The following GLDC variants were observed in gnomAD, a reference collection of about 807,000 sequenced individuals.
GLDC encodes the protein glycine decarboxylase.
Under a neutral mutation model 121.3 loss-of-function variants are expected in GLDC, and 104 were observed. That is an observed-to-expected ratio of 0.86 (90% CI 0.73 to 1.01). GLDC has a LOEUF of 1.01. GLDC is among the 50% of genes least tolerant of loss of function. The pLI, the probability that GLDC is intolerant of heterozygous loss-of-function variation, is 0.00. For missense variants in GLDC, 1,429 were observed against 1,306.6 expected (o/e 1.09, Z -1.44); for synonymous variants, 546 against 480.6 (o/e 1.14, Z -1.78).
intron 15 of GLDC, chr9:6,569,129 T>C (rs931236592): frequency 5.3e-5 from 8 of 151,956 alleles, no homozygotes; most frequent in African/African-American, 1.7e-4. Context: ...AGTATCAGTG[T>C]ATCATCACAG....
chr9:6,565,720 A>C (rs1427730544), intron 15 of GLDC: 1 of 579,652 alleles, frequency 1.7e-6, no homozygotes, highest in Non-Finnish European at 3.1e-6. Flanking sequence ...GCCTTTTGTT[A>C]TTATGAAAAA....
At chr9:6,564,672 G>A (rs916244069) in intron 16 of GLDC, among the ~76,000 whole-genome samples, 1 of 152,184 alleles carries the variant, frequency 6.6e-6, no homozygotes. Context: ...CAGGAACACA[G>A]GCCTCCTCTG....
chr9:6,578,894 GTTAT>G (rs1319036732), intron 15 of GLDC, among the ~76,000 whole-genome samples: 15 of 152,152 alleles, frequency 9.9e-5, no homozygotes, highest in Admixed American at 3.3e-4. Flanking sequence ...TTATAAGGGT[GTTAT>G]TTAATTTCCA....
rs1038476833 is a variant in GLDC, at chr9:6,589,356, G to A, written c.1483-64C>T. ...GCCTGGAGCCACATGTGGACATCCA[G>A]GCTTCTGGGTGGCTGGGCCACAAAG... On this transcript the variant is annotated intron_variant, in intron 11 of 24. Coordinates refer to ENST00000321612, the MANE Select transcript of GLDC (RefSeq NM_000170.3). The A allele has an allele frequency of 1.4e-5, 14 of 965,590 alleles. No individual in the cohort carries two copies. The African/African-American group carries it at 2.2e-4, about 15-fold the overall frequency. 59.8% of individuals were successfully genotyped at this position (965,590 alleles called of 1,614,324 possible). A position where few individuals can be genotyped will look rare whatever the true frequency, so the allele number is the denominator to read the frequency against.
chr9:6,550,909 C>G lies in GLDC; in HGVS notation c.2463G>C (p.Met821Ile). 6.3e-7 allele frequency: 1 copy of G among 1,598,826 alleles called. No homozygotes were observed. Among genetic ancestry groups the G allele is most frequent in the Non-Finnish European group, 8.6e-7 (1 of 1,166,170 alleles). ...TGGCTTGTTTAAGACCCTTGCCTCC[C>G]ATCATCTGCAACAAAGGGAAAAAGA... ...LPISWAYIKM[M>I]GGKGLKQATE... Residue 821 changes from methionine (M) to isoleucine (I), a missense_variant, in exon 21 of 25, where the codon ATG becomes ATC. Met to Ile is a conservative substitution (Grantham distance 10). Transcript: ENST00000321612.
intron 15 of GLDC, among the ~76,000 whole-genome samples, chr9:6,569,935 C>A (rs1203885669): frequency 1.3e-5 from 2 of 152,124 alleles, no homozygotes; most frequent in African/African-American, 4.8e-5. Flanking sequence ...AAGATCGCGC[C>A]ACTGCACTCC....
At chr9:6,553,199 A>G (rs1193960925) in intron 20 of GLDC, among the ~76,000 whole-genome samples, 169 bp downstream of exon 20, 1 of 152,192 alleles carries the variant, frequency 6.6e-6, no homozygotes, top group East Asian at 1.9e-4. Flanking sequence ...TTTTTAGCTC[A>G]TCTCTTCAGG....
At chr9:6,609,512 T>C (rs1457289435) in intron 4 of GLDC, among the ~76,000 whole-genome samples, 1 of 152,106 alleles carries the variant, frequency 6.6e-6, no homozygotes, top group Non-Finnish European at 1.5e-5. Flanking sequence ...CACTCAGCTA[T>C]GCTGCCAAGG....
chr9:6,533,916 T>TA (rs981280686), intron 24 of GLDC, among the ~76,000 whole-genome samples: 7 of 147,626 alleles, frequency 4.7e-5, no homozygotes, highest in Non-Finnish European at 7.5e-5. Context: ...TTTGAACGAT[T>TA]AAAAAAAAAG....
At chr9:6,628,671 G>T (rs534812123) in intron 2 of GLDC, among the ~76,000 whole-genome samples, 1 of 152,204 alleles carries the variant, frequency 6.6e-6, no homozygotes, top group Non-Finnish European at 1.5e-5. Context: ...AGCCTGGGAG[G>T]TGGAGGCTGC....
At chr9:6,576,820 T>C (rs953042739) in intron 15 of GLDC, among the ~76,000 whole-genome samples, 14 of 152,364 alleles carry the variant, frequency 9.2e-5, no homozygotes, top group African/African-American at 1.9e-4. Context: ...ATTCAATCTA[T>C]AGCACTTATA....
chr9:6,644,492 A>G, intron 2 of GLDC, 122 bp downstream of exon 2: 2 of 739,160 alleles, frequency 2.7e-6, no homozygotes, highest in South Asian at 1.5e-5. Context: ...CCACTGTTTT[A>G]TTTTAATCCA....
At chr9:6,592,057 C>G in intron 11 of GLDC, 86 bp downstream of exon 11, 4 of 837,800 alleles carry the variant, frequency 4.8e-6, no homozygotes, top group Non-Finnish European at 8.4e-6. Flanking sequence ...ACTTGGGCCC[C>G]TTCTCCCTCA....
chr9:6,639,770 C>T (rs910711401), intron 2 of GLDC, among the ~76,000 whole-genome samples: 27 of 151,278 alleles, frequency 1.8e-4, no homozygotes, highest in African/African-American at 6.1e-4. Context: ...AACTTTCACC[C>T]ACACCTGTCC....
At chr9:6,621,844 A>T (rs1451536085) in intron 2 of GLDC, among the ~76,000 whole-genome samples, 1 of 152,158 alleles carries the variant, frequency 6.6e-6, no homozygotes. Flanking sequence ...GATAGAAATG[A>T]CATCATTTGG....
intron 8 of GLDC, among the ~76,000 whole-genome samples, chr9:6,598,255 T>A (rs187644207): frequency 6.6e-6 from 1 of 152,160 alleles, no homozygotes; most frequent in Non-Finnish European, 1.5e-5. Context: ...GGATTTAAAC[T>A]GCTGAACTCA....
chr9:6,587,319 AT>A, intron 14 of GLDC, 36 bp from the exon 15 acceptor site: 1 of 1,462,484 alleles, frequency 6.8e-7, no homozygotes, highest in Non-Finnish European at 9.6e-7. Flanking sequence ...ATATATACAT[AT>A]TATAATAGCA....
intron 2 of GLDC, among the ~76,000 whole-genome samples, chr9:6,635,942 G>C (rs1329264888): frequency 6.6e-6 from 1 of 152,104 alleles, no homozygotes; most frequent in Non-Finnish European, 1.5e-5. Context: ...ATGAACAGAT[G>C]TTATACTACA....
At chr9:6,560,044 T>C (rs543670729) in intron 16 of GLDC, among the ~76,000 whole-genome samples, 5 of 152,268 alleles carry the variant, frequency 3.3e-5, no homozygotes, top group Admixed American at 3.3e-4. Flanking sequence ...AGCTGGACAG[T>C]AGGTGCAATG....
Sources: allele counts gnomAD v4.1 joint callset (sites outside exome capture counted in the v4.1 genomes callset), GRCh38; gene constraint gnomAD v4.1.1; transcripts MANE v1.5; gene names NCBI Gene and HGNC (gene_info 2026-07-23, HGNC 2026-07-21).